Variants in NRROS observed in about 807,000 individuals in gnomAD.
The protein encoded by NRROS is transforming growth factor beta activator LRRC33.
In NRROS, 6 loss-of-function variants were observed where a neutral mutation model predicts 12.0. The ratio of observed to expected loss-of-function variants is 0.50; its 90% CI spans 0.27 to 0.98. The LOEUF (loss-of-function observed/expected upper bound fraction) is 0.98. Among genes scored for constraint, NRROS ranks in the 50% least tolerant of loss-of-function variants. NRROS has a pLI of 0.11. For missense variants in NRROS, 857 were observed against 888.2 expected, an observed-to-expected ratio of 0.96 and a Z score of 0.45; for synonymous variants, 462 against 410.2, an observed-to-expected ratio of 1.13 and a Z score of -1.53.
intron 1 of NRROS, among the ~76,000 whole-genome samples, chr3:196,652,124 C>A (rs1737440677): frequency 6.6e-6 from 1 of 152,168 alleles, no homozygotes; most frequent in Non-Finnish European, 1.5e-5. Context: ...TCAGGGCTAG[C>A]CTTGCTCTGC....
intron 2 of NRROS, among the ~76,000 whole-genome samples, chr3:196,658,703 C>T (rs574207405): frequency 1.6e-4 from 24 of 152,270 alleles, no homozygotes; most frequent in East Asian, 1.9e-4. Flanking sequence ...CGGTGGCTCA[C>T]GCCTGTAATC....
At chr3:196,647,902 A>G (rs923995349) in intron 1 of NRROS, among the ~76,000 whole-genome samples, 3 of 152,106 alleles carry the variant, frequency 2.0e-5, no homozygotes, top group Non-Finnish European at 4.4e-5. Context: ...GGGTTTCTCT[A>G]TGTTGGCCAG....
Position 196,660,716 on chromosome 3 carries a change from A to T in NRROS, c.1073A>T (p.Asn358Ile). Reference protein sequence around the residue: ...LRKMPSLSHLNLHQNCLMTLH... With the variant: ...LRKMPSLSHLILHQNCLMTLH... ...AAAATGCCTTCCCTCTCCCACCTGAACCTCCACCAGAATTGCCTGATGACG... is the reference window on the plus strand; with the variant it reads ...AAAATGCCTTCCCTCTCCCACCTGATCCTCCACCAGAATTGCCTGATGACG... Residue 358 changes from asparagine to isoleucine, a missense_variant, in exon 3 of 3, where the codon AAC (asparagine) becomes ATC (isoleucine). Asn to Ile is a moderately radical substitution (Grantham distance 149). Coordinates refer to ENST00000328557, the MANE Select transcript of NRROS (RefSeq NM_198565.3). The surrounding 1 kb of genome is among the most constrained non-coding windows in gnomAD (Gnocchi z 7.7). 6.2e-7 allele frequency: 1 copy of T among 1,613,824 alleles called. No individual in the cohort carries two copies. The highest frequency in any genetic ancestry group is 8.5e-7 in the Non-Finnish European group (1 of 1,179,974).
intron 1 of NRROS, among the ~76,000 whole-genome samples, chr3:196,640,437 C>G (rs1041142441): frequency 3.3e-5 from 5 of 152,186 alleles, no homozygotes; most frequent in African/African-American, 1.2e-4. Context: ...CAGGCCTGTC[C>G]AAGGCCCTGG....
intron 1 of NRROS, among the ~76,000 whole-genome samples, chr3:196,640,353 A>T (rs1737184346): frequency 6.6e-6 from 1 of 152,196 alleles, no homozygotes; most frequent in Non-Finnish European, 1.5e-5. Flanking sequence ...ACGTGGATTG[A>T]GAACCACTAT....
At chr3:196,658,783 A>G (rs1268803497) in intron 2 of NRROS, among the ~76,000 whole-genome samples, 3 of 152,184 alleles carry the variant, frequency 2.0e-5, no homozygotes, top group East Asian at 3.9e-4. Context: ...CCTGGTCAAC[A>G]TGGTGAAACC....
At chr3:196,651,108 T>C (rs1241688019) in intron 1 of NRROS, among the ~76,000 whole-genome samples, 1 of 152,162 alleles carries the variant, frequency 6.6e-6, no homozygotes, top group African/African-American at 2.4e-5. Context: ...CAGAGAGATA[T>C]GGCAAGAGGA....
intron 2 of NRROS, among the ~76,000 whole-genome samples, chr3:196,657,758 T>A (rs927105422): frequency 3.3e-5 from 5 of 150,676 alleles, no homozygotes; most frequent in African/African-American, 1.2e-4. Flanking sequence ...TTTGTAATTA[T>A]AATGCAATCC....
At chr3:196,645,676 G>A (rs895004816) in intron 1 of NRROS, among the ~76,000 whole-genome samples, 4 of 151,956 alleles carry the variant, frequency 2.6e-5, no homozygotes, top group African/African-American at 9.7e-5. Flanking sequence ...TTCTTCAATC[G>A]TACACTTTCT....
At chr3:196,641,273 G>A (rs1350307364) in intron 1 of NRROS, among the ~76,000 whole-genome samples, 5 of 152,050 alleles carry the variant, frequency 3.3e-5, no homozygotes, top group African/African-American at 1.2e-4. Flanking sequence ...GAGTTCTGTG[G>A]CACGATCACA....
At chr3:196,644,496 G>A (rs978845383) in intron 1 of NRROS, among the ~76,000 whole-genome samples, 1 of 152,192 alleles carries the variant, frequency 6.6e-6, no homozygotes, top group South Asian at 2.1e-4. Context: ...TGCACGATCA[G>A]GCTGGGTGCA....
intron 2 of NRROS, among the ~76,000 whole-genome samples, chr3:196,655,943 C>T (rs147096165): frequency 1.2e-3 from 189 of 152,282 alleles, no homozygotes; most frequent in East Asian, 7.3e-3. Context: ...GAGGCCGAGG[C>T]GGGCAGATCA....
chr3:196,642,700 A>G (rs1560338704), intron 1 of NRROS, among the ~76,000 whole-genome samples: 1 of 152,130 alleles, frequency 6.6e-6, no homozygotes, highest in Non-Finnish European at 1.5e-5. Flanking sequence ...CAGACTTTTG[A>G]AGAAAGGAAG....
chr3:196,658,213 G>C (rs368112001), intron 2 of NRROS, among the ~76,000 whole-genome samples: 120 of 152,312 alleles, frequency 7.9e-4, no homozygotes, highest in African/African-American at 2.6e-3. Flanking sequence ...TTTATTGACA[G>C]GGGGAGAAAA....
Position 196,660,223 on chromosome 3 carries a change from T to G in NRROS, c.580T>G (p.Phe194Val). 6.2e-7 allele frequency: 1 copy of G among 1,613,568 alleles called. No homozygotes were observed. Among genetic ancestry groups the G allele is most frequent in the Non-Finnish European group, 8.5e-7 (1 of 1,180,028 alleles). ...RELDLQRNYI[F>V]EIEGGAFDGL... ...GCTGGATCTGCAGAGGAACTACATCTTCGAGATCGAGGGCGGCGCTTTCGA... is the reference window on the plus strand; with the variant it reads ...GCTGGATCTGCAGAGGAACTACATCGTCGAGATCGAGGGCGGCGCTTTCGA... Residue 194 changes from phenylalanine to valine, a missense_variant, in exon 3 of 3, where the codon TTC becomes GTC. By Grantham distance (50) the Phe-to-Val change is conservative. Transcript: ENST00000328557. The surrounding 1 kb of genome is among the most constrained non-coding windows in gnomAD (Gnocchi z 7.7).
chr3:196,656,559 T>C (rs1481083834), intron 2 of NRROS, among the ~76,000 whole-genome samples: 1 of 152,240 alleles, frequency 6.6e-6, no homozygotes, highest in Non-Finnish European at 1.5e-5. Flanking sequence ...GGACAGTGCC[T>C]GGTAGGTAGT....
chr3:196,653,335 A>G (rs1737468989), intron 1 of NRROS, among the ~76,000 whole-genome samples: 1 of 152,226 alleles, frequency 6.6e-6, no homozygotes, highest in Admixed American at 6.5e-5. Flanking sequence ...TGCACTGGTG[A>G]GCATTCAAAT....
Position 196,661,141 on chromosome 3 carries a change from AATGGGAGCCTCGCCCCACTCCAGG to A in NRROS, c.1502_1525del (p.Gly501_Asp508del). The A allele has an allele frequency of 6.2e-7, 1 of 1,612,820 alleles. No individual in the cohort carries two copies. The highest frequency in any genetic ancestry group is 1.1e-5 in the South Asian group (1 of 90,984). ...CCTCTCAAGCAACTGGGGGGTTCTG[AATGGGAGCCTCGCCCCACTCCAGG>A]ATGTTGCCCCCATGTTACAGGTCCT... On this transcript the variant is annotated inframe_deletion, in exon 3 of 3. Coordinates refer to ENST00000328557, the MANE Select transcript of NRROS (RefSeq NM_198565.3).
At position 196,661,756 on chromosome 3, in the gene NRROS, G is replaced by A. The variant is rs777299463; in HGVS notation, c.*34G>A. ...TGTGCCAAGACTCGAAATTCGGTCC[G>A]CACACAACAGGACACTTTCTCTGCC... On this transcript the variant is annotated 3_prime_UTR_variant, in exon 3 of 3. Coordinates refer to ENST00000328557, the MANE Select transcript of NRROS (RefSeq NM_198565.3). The A allele has an allele frequency of 6.6e-5, 101 of 1,537,688 alleles. No individual in the cohort carries two copies. The highest frequency in any genetic ancestry group is 6.5e-4 in the South Asian group (55 of 84,468).
Sources: allele counts gnomAD v4.1 joint callset (sites outside exome capture counted in the v4.1 genomes callset), GRCh38; gene constraint gnomAD v4.1.1; non-coding constraint Gnocchi (gnomAD v3.1); transcripts MANE v1.5; gene names NCBI Gene and HGNC (gene_info 2026-07-23, HGNC 2026-07-21).